MEIKIN: variants seen among roughly 807,000 people sequenced by gnomAD.
MEIKIN encodes meiosis-specific kinetochore protein.
intron 9 of MEIKIN, among the ~76,000 whole-genome samples, chr5:131,873,242 T>C (rs954247528): frequency 5.9e-5 from 9 of 152,164 alleles, no homozygotes; most frequent in Non-Finnish European, 1.3e-4. Flanking sequence ...GTGTGCTGTA[T>C]TCAGGAAACC....
intron 8 of MEIKIN, among the ~76,000 whole-genome samples, chr5:131,880,137 T>A (rs890953620): frequency 6.6e-6 from 1 of 152,064 alleles, no homozygotes; most frequent in African/African-American, 2.4e-5. Flanking sequence ...TTGCCCAGGC[T>A]GGAGTGCAGT....
chr5:131,917,168 C>A (rs556114907), intron 6 of MEIKIN, among the ~76,000 whole-genome samples: 1 of 152,238 alleles, frequency 6.6e-6, no homozygotes, highest in Non-Finnish European at 1.5e-5. Flanking sequence ...TTTTTGAAGT[C>A]TTTTCACGTG....
intron 5 of MEIKIN, among the ~76,000 whole-genome samples, chr5:131,923,741 CTTGA>C (rs1242002308): frequency 6.6e-6 from 1 of 151,668 alleles, no homozygotes; most frequent in East Asian, 1.9e-4. Context: ...CCTATTTCTC[CTTGA>C]TTCTTTTTCC....
chr5:131,844,328 C>G (rs1253126467), intron 11 of MEIKIN, among the ~76,000 whole-genome samples: 1 of 152,140 alleles, frequency 6.6e-6, no homozygotes, highest in African/African-American at 2.4e-5. Context: ...TATGAAACAA[C>G]AGTTTTCAAG....
intron 6 of MEIKIN, among the ~76,000 whole-genome samples, chr5:131,920,224 A>G: frequency 6.6e-6 from 1 of 152,226 alleles, no homozygotes. Context: ...TTCAAACCAT[A>G]GAATAAATAT....
At chr5:131,861,166 G>A (rs1013509906) in intron 9 of MEIKIN, among the ~76,000 whole-genome samples, 2 of 151,944 alleles carry the variant, frequency 1.3e-5, no homozygotes, top group Non-Finnish European at 2.9e-5. Flanking sequence ...CGAAGTGGGC[G>A]GATCATGAGG....
At chr5:131,810,655 T>A (rs552319493) in intron 12 of MEIKIN, among the ~76,000 whole-genome samples, 1 of 152,214 alleles carries the variant, frequency 6.6e-6, no homozygotes, top group African/African-American at 2.4e-5. Flanking sequence ...AGGTCTGTAG[T>A]TATTCTGGTG....
At chr5:131,833,415 G>C (rs1488189852) in intron 11 of MEIKIN, among the ~76,000 whole-genome samples, 1 of 152,128 alleles carries the variant, frequency 6.6e-6, no homozygotes, top group African/African-American at 2.4e-5. Context: ...CACTCAACAA[G>C]TCTCTAGAAG....
At chr5:131,919,655 C>A (rs1751473117) in intron 6 of MEIKIN, among the ~76,000 whole-genome samples, 1 of 151,992 alleles carries the variant, frequency 6.6e-6, no homozygotes, top group African/African-American at 2.4e-5. Context: ...AGCACGGTAC[C>A]CTTCATGTAA....
At chr5:131,811,010 T>C (rs1302836207) in intron 12 of MEIKIN, among the ~76,000 whole-genome samples, 1 of 152,136 alleles carries the variant, frequency 6.6e-6, no homozygotes, top group Non-Finnish European at 1.5e-5. Context: ...TGCTTTGCTA[T>C]TTTTACTAAA....
intron 11 of MEIKIN, among the ~76,000 whole-genome samples, chr5:131,835,798 T>C (rs1290594533): frequency 6.6e-6 from 1 of 152,208 alleles, no homozygotes. Context: ...TTTCACTGTG[T>C]TAGCCAGGAT....
chr5:131,909,794 A>C (rs1751303109), intron 8 of MEIKIN, among the ~76,000 whole-genome samples: 1 of 152,220 alleles, frequency 6.6e-6, no homozygotes, highest in Non-Finnish European at 1.5e-5. Context: ...GAAGACATAC[A>C]AATGGCAAAC....
At chr5:131,914,542 A>C (rs1580904768) in intron 7 of MEIKIN, among the ~76,000 whole-genome samples, 1 of 95,240 alleles carries the variant, frequency 1.0e-5, no homozygotes, top group Admixed American at 1.4e-4. Context: ...GGGGAGGGGA[A>C]GGGGAAGGGG....
At chr5:131,833,150 A>G (rs1749743162) in intron 11 of MEIKIN, among the ~76,000 whole-genome samples, 1 of 152,220 alleles carries the variant, frequency 6.6e-6, no homozygotes, top group Non-Finnish European at 1.5e-5. Flanking sequence ...TGCTTTTAAT[A>G]GCACCCAAGT....
chr5:131,935,505 G>C (rs575634576), intron 4 of MEIKIN, among the ~76,000 whole-genome samples: 1 of 152,178 alleles, frequency 6.6e-6, no homozygotes, highest in South Asian at 2.1e-4. Flanking sequence ...CAGAGATTTG[G>C]TAAGAAAAGG....
At chr5:131,848,585 T>C (rs1044578857) in intron 11 of MEIKIN, among the ~76,000 whole-genome samples, 1 of 152,168 alleles carries the variant, frequency 6.6e-6, no homozygotes, top group African/African-American at 2.4e-5. Context: ...CCCTGGTGAA[T>C]TCTACCAAAC....
intron 9 of MEIKIN, among the ~76,000 whole-genome samples, chr5:131,859,050 C>T (rs576151474): frequency 3.9e-4 from 59 of 152,302 alleles, no homozygotes; most frequent in Non-Finnish European, 7.9e-4. Context: ...AGAACTACCA[C>T]TCGACTCAGC....
intron 11 of MEIKIN, among the ~76,000 whole-genome samples, chr5:131,836,960 A>G (rs1749819557): frequency 1.3e-5 from 2 of 151,916 alleles, no homozygotes; most frequent in South Asian, 4.1e-4. Flanking sequence ...TTGTCATGAA[A>G]TCTTTGCCTG....
intron 6 of MEIKIN, among the ~76,000 whole-genome samples, chr5:131,917,853 A>C (rs1751437918): frequency 6.6e-6 from 1 of 152,300 alleles, no homozygotes; most frequent in African/African-American, 2.4e-5. Flanking sequence ...ATTTCCTCAA[A>C]GGGAGGTTCT....
Sources: gnomAD v4.1 joint callset for allele counts (sites outside exome capture counted in the v4.1 genomes callset) on GRCh38, gnomAD v4.1.1 for gene constraint, MANE v1.5 for transcripts, NCBI Gene and HGNC (gene_info 2026-07-23, HGNC 2026-07-21) for gene names.